Variants in HSD3B2 observed in about 807,000 individuals in gnomAD.
HSD3B2 encodes hydroxy-delta-5-steroid dehydrogenase, 3 beta- and steroid delta-isomerase 2, also known as 3 beta-hydroxysteroid dehydrogenase/Delta 5-->4-isomerase type 2.
Under a neutral mutation model 9.9 loss-of-function variants are expected in HSD3B2, and 8 were observed. The observed-to-expected ratio is 0.81, with a 90% CI of 0.47 to 1.46. HSD3B2 has a LOEUF of 1.46. HSD3B2 is among the 40% of genes most tolerant of loss of function. The pLI is 0.00. For missense variants in HSD3B2, 410 were observed against 448.3 expected, an observed-to-expected ratio of 0.91 and a Z score of 0.77; for synonymous variants, 221 against 184.5, an observed-to-expected ratio of 1.20 and a Z score of -1.60.
intron 2 of HSD3B2, among the ~76,000 whole-genome samples, chr1:119,418,004 G>A (rs1457313421): frequency 2.6e-5 from 4 of 152,134 alleles, no homozygotes; most frequent in Non-Finnish European, 5.9e-5. Context: ...GCTGTGAGCC[G>A]TATGCAGATT....
intron 3 of HSD3B2, among the ~76,000 whole-genome samples, chr1:119,421,504 TA>T (rs1237257846): frequency 8.8e-5 from 12 of 136,794 alleles, no homozygotes; most frequent in Non-Finnish European, 3.1e-5. Flanking sequence ...AATATATATA[TA>T]TATATACACA....
Position 119,422,071 on chromosome 1 carries a change from T to A in HSD3B2, c.570T>A (p.Tyr190Ter). 1.1e-5 allele frequency: 18 copies of A among 1,614,054 alleles called. No individual in the cohort carries two copies. Among genetic ancestry groups the A allele is most frequent in the Non-Finnish European group, 1.5e-5 (18 of 1,179,990 alleles). The change falls in exon 4 of 4, where the codon TAT (tyrosine) becomes TAA (stop). Residue 190 changes from tyrosine to a stop codon, truncating the protein, a stop_gained. Coordinates refer to ENST00000369416, the MANE Select transcript of HSD3B2 (RefSeq NM_000198.4). LOFTEE classifies it low-confidence loss of function (END_TRUNC). ...YTCALRPTYI[Y>*]GEGGPFLSAS... ...GTGCGTTAAGACCCACATATATCTA[T>A]GGGGAAGGAGGCCCATTCCTTTCTG...
intron 2 of HSD3B2, among the ~76,000 whole-genome samples, chr1:119,416,646 G>A (rs1436547164): frequency 6.6e-6 from 1 of 152,124 alleles, no homozygotes; most frequent in Non-Finnish European, 1.5e-5. Flanking sequence ...GGGGACTGGG[G>A]GAACTATGTA....
intron 1 of HSD3B2, 57 bp from the exon 2 acceptor site, chr1:119,415,274 G>T: frequency 1.3e-6 from 1 of 790,594 alleles, no homozygotes; most frequent in South Asian, 1.5e-5. Flanking sequence ...TAAAAAATGG[G>T]GTGGAGGAAA....
intron 2 of HSD3B2, among the ~76,000 whole-genome samples, chr1:119,416,238 C>T (rs1436926825): frequency 1.3e-5 from 2 of 152,008 alleles, no homozygotes; most frequent in Non-Finnish European, 1.5e-5. Context: ...CACAAGTGCA[C>T]GGCACAGAGC....
intron 2 of HSD3B2, among the ~76,000 whole-genome samples, chr1:119,415,843 C>T (rs1337191190): frequency 1.3e-5 from 2 of 152,192 alleles, no homozygotes; most frequent in African/African-American, 4.8e-5. Context: ...CATGAGTTCT[C>T]CTTCTTGTCT....
At chr1:119,415,661 A>C in intron 2 of HSD3B2, 100 bp downstream of exon 2, 1 of 1,262,682 alleles carries the variant, frequency 7.9e-7, no homozygotes, top group Non-Finnish European at 1.2e-6. Context: ...GTTGTAGCCA[A>C]ATGAAAGCCA....
Position 119,422,503 on chromosome 1 carries a change from G to A in HSD3B2, c.1002G>A (p.Gln334=). The part of the protein sequence containing the change: ...SVFTFSYKKA[Q]RDLAYKPLYS... ...TCACCTTCTCTTACAAGAAGGCTCA[G>A]CGAGATCTGGCGTATAAGCCACTCT... The change falls in exon 4 of 4, where the codon CAG becomes CAA. Residue 334 remains glutamine, a synonymous_variant. Coordinates refer to ENST00000369416, the MANE Select transcript of HSD3B2 (RefSeq NM_000198.4). 6.2e-7 allele frequency: 1 copy of A among 1,614,108 alleles called. No homozygotes were observed. Among genetic ancestry groups the A allele is most frequent in the South Asian group, 1.1e-5 (1 of 91,078 alleles).
Position 119,421,443 on chromosome 1 carries a change from A to G in HSD3B2, c.308-366A>G, listed in dbSNP as rs370925372. Among the ~76,000 whole-genome samples the G allele has an allele frequency of 3.0e-4, 27 of 91,206 alleles. 1 individual carries two copies. In the South Asian group the frequency reaches 5.9e-3, roughly 20 times the overall value. The allele number at this position is 91,206 out of a possible 152,430, so 59.8% of individuals were successfully genotyped here. On this transcript the variant is annotated intron_variant, in intron 3 of 3. Coordinates refer to ENST00000369416, the MANE Select transcript of HSD3B2 (RefSeq NM_000198.4). ...TATATATATGTATATATATATATGT[A>G]TATATATATGTATATATATATGTAT...
Position 119,422,952 on chromosome 1 carries a change from A to G in HSD3B2, c.*332A>G. On this transcript the variant is annotated 3_prime_UTR_variant, in exon 4 of 4. Transcript: ENST00000369416. Reference sequence around the variant, plus strand: ...GCTCCATTTCCCCTCTTAAATGAGAAAGCATTTCTTTTCTCTTTAATCTCC... The same window carrying G: ...GCTCCATTTCCCCTCTTAAATGAGAGAGCATTTCTTTTCTCTTTAATCTCC... 1 of 453,506 alleles carries G rather than the reference A, an allele frequency of 2.2e-6. No individual in the cohort carries two copies. Among genetic ancestry groups the G allele is most frequent in the Non-Finnish European group, 4.0e-6 (1 of 249,410 alleles). 28.1% of individuals were successfully genotyped at this position (453,506 alleles called of 1,614,324 possible). A position where few individuals can be genotyped will look rare whatever the true frequency, so the allele number is the denominator to read the frequency against.
At chr1:119,416,264 G>C (rs1651706213) in intron 2 of HSD3B2, among the ~76,000 whole-genome samples, 1 of 152,064 alleles carries the variant, frequency 6.6e-6, no homozygotes, top group African/African-American at 2.4e-5. Flanking sequence ...CAGAGTAAAA[G>C]GCAGTATGAG....
Position 119,422,143 on chromosome 1 carries a change from T to G in HSD3B2, c.642T>G (p.Val214=), listed in dbSNP as rs1413119461. The G allele has an allele frequency of 2.5e-6, 4 of 1,614,094 alleles. No homozygotes were observed. The highest frequency in any genetic ancestry group is 3.4e-6 in the Non-Finnish European group (4 of 1,180,010). The change falls in exon 4 of 4, where the codon GTT becomes GTG. Residue 214 remains valine, a synonymous_variant. Transcript: ENST00000369416. ...ALNNNGILSS[V]GKFSTVNPVY... ...ACAACAATGGGATCCTGTCAAGTGTTGGAAAGTTCTCTACAGTCAACCCAG... is the reference window on the plus strand; with the variant it reads ...ACAACAATGGGATCCTGTCAAGTGTGGGAAAGTTCTCTACAGTCAACCCAG...
chr1:119,421,373 GTGTGTATATATATATA>G (rs1463887464), intron 3 of HSD3B2, among the ~76,000 whole-genome samples: 14 of 135,906 alleles, frequency 1.0e-4, no homozygotes, highest in Non-Finnish European at 1.9e-4. Context: ...ATTAAAGTGT[GTGTGTATATATATATA>G]TGTATATATA....
chr1:119,420,020 G>C, intron 3 of HSD3B2: 1 of 255,050 alleles, frequency 3.9e-6, no homozygotes, highest in South Asian at 5.3e-5. Flanking sequence ...AGGCTGATGA[G>C]AACATTCAGA....
intron 3 of HSD3B2, 62 bp downstream of exon 3, chr1:119,419,644 A>G (rs1651806683): frequency 2.6e-6 from 4 of 1,515,642 alleles, no homozygotes; most frequent in Middle Eastern, 1.7e-4. Flanking sequence ...AAGAAGGACA[A>G]GAAAGGGAAG....
chr1:119,415,609 A>AT (rs1557867213), intron 2 of HSD3B2, 48 bp downstream of exon 2: 1 of 1,603,432 alleles, frequency 6.2e-7, no homozygotes. Context: ...TAAACTCTGC[A>AT]TGGGTGTGGG....
In HSD3B2 at chr1:119,422,046, G is replaced by A. The variant is rs1242959189; in HGVS notation, c.545G>A (p.Cys182Tyr). Residue 182 changes from cysteine to tyrosine, a missense_variant, in exon 4 of 4, where the codon TGT becomes TAT. By Grantham distance (194) the Cys-to-Tyr change is radical (BLOSUM62 -2). Coordinates refer to ENST00000369416, the MANE Select transcript of HSD3B2 (RefSeq NM_000198.4). ...AAAAATGGTGATACCTTGTACACTT[G>A]TGCGTTAAGACCCACATATATCTAT... Reference protein sequence around the residue: ...NLKNGDTLYTCALRPTYIYGE... With the variant: ...NLKNGDTLYTYALRPTYIYGE... 6.2e-7 allele frequency: 1 copy of A among 1,613,994 alleles called. No individual in the cohort carries two copies. Among genetic ancestry groups the A allele is most frequent in the African/African-American group, 1.3e-5 (1 of 74,914 alleles).
At chr1:119,418,529 T>G (rs1312178757) in intron 2 of HSD3B2, among the ~76,000 whole-genome samples, 3 of 152,132 alleles carry the variant, frequency 2.0e-5, no homozygotes, top group African/African-American at 7.2e-5. Context: ...CTTGATCACC[T>G]GGCTTTCTCA....
Position 119,422,314 on chromosome 1 carries a change from G to A in HSD3B2, c.813G>A (p.Leu271=). The stretch of plus-strand genomic sequence containing the variant: ...GCTATGATAACCTTAATTACATCCT[G>A]AGCAAAGAGTTTGGCCTCCGCCTTG... ...HQSYDNLNYI[L]SKEFGLRLDS... The change falls in exon 4 of 4, where the codon CTG becomes CTA. Residue 271 remains leucine (L), a synonymous_variant. Transcript: ENST00000369416. 2 of 1,614,132 alleles carry A rather than the reference G, an allele frequency of 1.2e-6. No individual in the cohort carries two copies. Among genetic ancestry groups the A allele is most frequent in the Non-Finnish European group, 1.7e-6 (2 of 1,180,006 alleles).
Sources: gnomAD v4.1 joint callset for allele counts (sites outside exome capture counted in the v4.1 genomes callset) on GRCh38, gnomAD v4.1.1 for gene constraint, MANE v1.5 for transcripts, NCBI Gene and HGNC (gene_info 2026-07-23, HGNC 2026-07-21) for gene names.